Variants in RNF152 observed in about 807,000 individuals in gnomAD.
RNF152 encodes E3 ubiquitin-protein ligase RNF152.
A neutral mutation model predicts 12.7 loss-of-function variants in RNF152; 11 were observed. The observed-to-expected ratio is 0.86, with a 90% confidence interval of 0.54 to 1.43. RNF152 has a LOEUF of 1.43. RNF152 is among the 40% of genes most tolerant of loss of function. The pLI, the probability that RNF152 is intolerant of heterozygous loss-of-function variation, is 0.00. For synonymous variants in RNF152, 113 were observed against 120.3 expected, an observed-to-expected ratio of 0.94 and a Z score of 0.40; for missense variants, 255 against 274.8, an observed-to-expected ratio of 0.93 and a Z score of 0.51.
rs1197121406 is a variant in RNF152, at chr18:61,816,453, A to G, written c.11T>C (p.Leu4Pro). ...ACATTCCAGCAGAGAGTCCTGGGAC[A>G]GCGTCTCCATGGTGGACCGTGAGCA... MET[L>P]SQDSLLECQI... is the part of the protein sequence containing the mutation. The change falls in exon 2 of 2, where the codon CTG (leucine) becomes CCG (proline). Residue 4 changes from leucine to proline, a missense_variant. Leu to Pro is a moderately conservative substitution (Grantham distance 98). Coordinates refer to ENST00000312828, the MANE Select transcript of RNF152 (RefSeq NM_173557.3). 1 of 1,603,030 alleles carries G rather than the reference A, an allele frequency of 6.2e-7. No homozygotes were observed. Among genetic ancestry groups the G allele is most frequent in the Non-Finnish European group, 8.5e-7 (1 of 1,171,874 alleles).
chr18:61,872,057 C>T (rs77793572), intron 1 of RNF152, among the ~76,000 whole-genome samples: 4,858 of 152,174 alleles, frequency 0.032, 268 homozygotes, highest in African/African-American at 0.11. Flanking sequence ...GGCATCTGCT[C>T]GGCTCTGGGG....
intron 1 of RNF152, among the ~76,000 whole-genome samples, chr18:61,878,419 G>A (rs934307296): frequency 6.6e-6 from 1 of 152,166 alleles, no homozygotes; most frequent in Non-Finnish European, 1.5e-5. Context: ...CCATGCTCAG[G>A]TCTAACATCA....
intron 1 of RNF152, among the ~76,000 whole-genome samples, chr18:61,827,621 C>T (rs1057296034): frequency 2.8e-4 from 43 of 152,122 alleles, no homozygotes; most frequent in African/African-American, 8.7e-4. Context: ...TAAGTCTATT[C>T]GAAAGCCATT....
At chr18:61,874,907 A>G (rs1489530162) in intron 1 of RNF152, 2 of 152,170 alleles carry the variant, frequency 1.3e-5, no homozygotes, top group Non-Finnish European at 2.9e-5. Flanking sequence ...AACACTCTTT[A>G]TGCTGACCTG....
intron 1 of RNF152, among the ~76,000 whole-genome samples, chr18:61,885,649 T>G (rs1912655566): frequency 6.6e-6 from 1 of 152,202 alleles, no homozygotes. Context: ...GGTCATTTTC[T>G]TCAAGCAGCT....
rs776181105 is a variant in RNF152, at chr18:61,815,932, C to T, written c.532G>A (p.Val178Ile). Residue 178 changes from valine to isoleucine, a missense_variant, in exon 2 of 2, where the codon GTC becomes ATC. Physicochemically the swap from Val to Ile is conservative, Grantham distance 29 (BLOSUM62 3). Transcript: ENST00000312828. ...GVCTVILVAC[V>I]LVFLLGIVLH... is the part of the protein sequence containing the mutation. Reference sequence around the variant, plus strand: ...ACGATGCCGAGGAGGAAGACCAAGACGCAAGCCACCAAGATGACAGTGCAC... The same window carrying T: ...ACGATGCCGAGGAGGAAGACCAAGATGCAAGCCACCAAGATGACAGTGCAC... 47 of 1,614,216 alleles carry T rather than the reference C, an allele frequency of 2.9e-5. No individual in the cohort carries two copies. The East Asian group carries it at 8.9e-4, about 31-fold the overall frequency.
intron 1 of RNF152, among the ~76,000 whole-genome samples, chr18:61,830,427 T>C (rs1056435192): frequency 1.3e-5 from 2 of 152,214 alleles, no homozygotes; most frequent in African/African-American, 4.8e-5. Context: ...GTCACCTTTC[T>C]GGCACTATGA....
At chr18:61,860,584 A>G (rs1221026891) in intron 1 of RNF152, among the ~76,000 whole-genome samples, 1 of 152,260 alleles carries the variant, frequency 6.6e-6, no homozygotes, top group Non-Finnish European at 1.5e-5. Context: ...AATCATGTAC[A>G]GTACACAATA....
chr18:61,846,261 TA>T (rs1355853589), intron 1 of RNF152, among the ~76,000 whole-genome samples: 5 of 152,176 alleles, frequency 3.3e-5, no homozygotes, highest in Non-Finnish European at 7.4e-5. Flanking sequence ...TCTTTTTTAA[TA>T]AAAAACAATC....
chr18:61,876,644 G>A (rs1912226146), intron 1 of RNF152, among the ~76,000 whole-genome samples: 1 of 152,180 alleles, frequency 6.6e-6, no homozygotes, highest in Non-Finnish European at 1.5e-5. Flanking sequence ...TCTAATCCCA[G>A]CTCTGGCTTT....
At chr18:61,840,550 T>C (rs1311374742) in intron 1 of RNF152, among the ~76,000 whole-genome samples, 1 of 152,132 alleles carries the variant, frequency 6.6e-6, no homozygotes, top group Non-Finnish European at 1.5e-5. Flanking sequence ...CCATACTCTG[T>C]GCATATGCTT....
chr18:61,852,494 G>T (rs1911030131), intron 1 of RNF152, among the ~76,000 whole-genome samples: 1 of 152,204 alleles, frequency 6.6e-6, no homozygotes, highest in South Asian at 2.1e-4. Flanking sequence ...ATTGAAAGAT[G>T]TAAGACAGAG....
intron 1 of RNF152, among the ~76,000 whole-genome samples, chr18:61,822,460 A>G (rs1437633005): frequency 1.3e-5 from 2 of 152,226 alleles, no homozygotes; most frequent in African/African-American, 4.8e-5. Flanking sequence ...ACATAATTTT[A>G]TGCATCTTTT....
intron 1 of RNF152, among the ~76,000 whole-genome samples, chr18:61,831,710 G>A (rs747415470): frequency 1.3e-5 from 2 of 151,952 alleles, no homozygotes; most frequent in Non-Finnish European, 2.9e-5. Flanking sequence ...AAAAACCACT[G>A]TAAATACAAT....
chr18:61,863,319 C>T (rs1220792867), intron 1 of RNF152, among the ~76,000 whole-genome samples: 1 of 151,716 alleles, frequency 6.6e-6, no homozygotes, highest in East Asian at 2.0e-4. Flanking sequence ...CCTGTAGTCC[C>T]AGCTACTCGG....
intron 1 of RNF152, among the ~76,000 whole-genome samples, chr18:61,836,745 C>T (rs1019889583): frequency 6.6e-6 from 1 of 151,912 alleles, no homozygotes; most frequent in Non-Finnish European, 1.5e-5. Context: ...AAATCCTTGA[C>T]TCCATAGTAA....
chr18:61,860,777 C>T lies in RNF152; in HGVS notation c.-136+32018G>A, dbSNP rs546284400. 2.6e-5 allele frequency among the ~76,000 whole-genome samples: 4 copies of T among 152,258 alleles called. No homozygotes were observed. In the South Asian group the frequency reaches 8.3e-4, roughly 32 times the overall value. ...TGTCACAGGAAATAACAGCTCCATG[C>T]GTGTATTACCCTGAAGACCTTCCAA... On this transcript the variant is annotated intron_variant, in intron 1 of 1. Transcript: ENST00000312828.
chr18:61,825,554 C>A (rs1321380523), intron 1 of RNF152, among the ~76,000 whole-genome samples: 1 of 152,160 alleles, frequency 6.6e-6, no homozygotes, highest in South Asian at 2.1e-4. Context: ...GAGACTCCAA[C>A]CACAAACCTC....
At chr18:61,852,555 G>A (rs1048702240) in intron 1 of RNF152, among the ~76,000 whole-genome samples, 25 of 152,190 alleles carry the variant, frequency 1.6e-4, no homozygotes, top group African/African-American at 6.0e-4. Flanking sequence ...CATCTAGATT[G>A]TCAGTCTTCA....
Sources: gnomAD v4.1 joint callset for allele counts (sites outside exome capture counted in the v4.1 genomes callset) on GRCh38, gnomAD v4.1.1 for gene constraint, MANE v1.5 for transcripts, NCBI Gene and HGNC (gene_info 2026-07-23, HGNC 2026-07-21) for gene names.